Variants in DHRSX observed in about 807,000 individuals in gnomAD.
The protein encoded by DHRSX is dehydrogenase/reductase X-linked.
Under a neutral mutation model 34.0 loss-of-function variants are expected in DHRSX, and 31 were observed. That is an observed-to-expected ratio of 0.91 (90% CI 0.69 to 1.23). DHRSX has a LOEUF of 1.23. Ranked by LOEUF, DHRSX falls within the 50% of genes most tolerant of loss-of-function variation. The pLI is 0.00. For synonymous variants in DHRSX, 201 were observed against 183.8 expected, an observed-to-expected ratio of 1.09 and a Z score of -0.76; for missense variants, 414 against 428.1, an observed-to-expected ratio of 0.97 and a Z score of 0.29.
intron 1 of DHRSX, among the ~76,000 whole-genome samples, chrX:2,428,051 A>G (rs754905804): frequency 2.0e-5 from 3 of 152,316 alleles, no homozygotes; most frequent in South Asian, 2.1e-4. Context: ...CGGGAATTAA[A>G]TAATGTGTAC....
intron 3 of DHRSX, among the ~76,000 whole-genome samples, chrX:2,302,387 G>A (rs1428568384): frequency 3.9e-5 from 6 of 152,242 alleles, no homozygotes; most frequent in Admixed American, 1.3e-4. Flanking sequence ...CAAAGCGGGC[G>A]GATCGCTTGA....
At chrX:2,467,893 G>A (rs189461457) in intron 1 of DHRSX, among the ~76,000 whole-genome samples, 17 of 150,566 alleles carry the variant, frequency 1.1e-4, no homozygotes, top group South Asian at 4.2e-4. Flanking sequence ...CCCAGGAGGC[G>A]GGGAGGTTGC....
intron 3 of DHRSX, among the ~76,000 whole-genome samples, chrX:2,310,631 G>A (rs1602918933): frequency 6.6e-6 from 1 of 151,662 alleles, no homozygotes; most frequent in Non-Finnish European, 1.5e-5. Flanking sequence ...ACAAAACACA[G>A]AGAAAGTTAT....
intron 3 of DHRSX, among the ~76,000 whole-genome samples, chrX:2,347,196 A>C (rs1444469663): frequency 6.6e-6 from 1 of 152,196 alleles, no homozygotes; most frequent in South Asian, 2.1e-4. Flanking sequence ...GAAGCCTCAC[A>C]ATCATGGTGG....
At chrX:2,437,696 AGAGTGTGTGTGTGT>A (rs56998969) in intron 1 of DHRSX, among the ~76,000 whole-genome samples, 6,558 of 92,096 alleles carry the variant, frequency 0.071, 220 homozygotes, top group East Asian at 0.29. Context: ...AGAGAGAGAG[AGAGTGTGTGTGTGT>A]GTGTGTGTGT....
chrX:2,417,282 A>C (rs5982556), intron 2 of DHRSX, among the ~76,000 whole-genome samples: 124,153 of 152,184 alleles, frequency 0.82, 51,453 homozygotes, highest in African/African-American at 0.95. Flanking sequence ...GCACATGAAC[A>C]AGAAGCTTGC....
intron 5 of DHRSX, among the ~76,000 whole-genome samples, chrX:2,248,918 G>C (rs1444876121): frequency 6.6e-6 from 1 of 152,084 alleles, no homozygotes; most frequent in African/African-American, 2.4e-5. Flanking sequence ...CTGCATCTTT[G>C]GGTCTTCCCT....
intron 3 of DHRSX, among the ~76,000 whole-genome samples, chrX:2,298,627 C>T (rs2041971217): frequency 1.6e-5 from 2 of 128,740 alleles, no homozygotes; most frequent in South Asian, 5.0e-4. Flanking sequence ...CACACACACA[C>T]ACACACACAC....
intron 3 of DHRSX, among the ~76,000 whole-genome samples, chrX:2,325,251 T>C (rs1204921627): frequency 6.6e-6 from 1 of 151,906 alleles, no homozygotes; most frequent in Non-Finnish European, 1.5e-5. Flanking sequence ...AACTAACGAC[T>C]AGACACGTTC....
At chrX:2,360,398 C>T (rs997839861) in intron 3 of DHRSX, among the ~76,000 whole-genome samples, 29 of 152,278 alleles carry the variant, frequency 1.9e-4, no homozygotes, top group East Asian at 1.7e-3. Flanking sequence ...GCCTGACCAA[C>T]ATGGTGAAAC....
At chrX:2,244,761 G>T (rs1266825345) in intron 5 of DHRSX, among the ~76,000 whole-genome samples, 1 of 151,714 alleles carries the variant, frequency 6.6e-6, no homozygotes, top group Non-Finnish European at 1.5e-5. Flanking sequence ...AACCCAGCTG[G>T]AGTACAGTGG....
chrX:2,357,468 G>A (rs982719949), intron 3 of DHRSX, among the ~76,000 whole-genome samples: 11 of 151,876 alleles, frequency 7.2e-5, no homozygotes, highest in African/African-American at 2.2e-4. Flanking sequence ...TGATGAAACC[G>A]TGGAGCTTTA....
intron 2 of DHRSX, among the ~76,000 whole-genome samples, chrX:2,414,795 T>C (rs2043673624): frequency 6.6e-6 from 1 of 151,964 alleles, no homozygotes; most frequent in African/African-American, 2.4e-5. Flanking sequence ...CATGACCCAA[T>C]ACAAGTAGAT....
In DHRSX at chrX:2,420,340, A is replaced by G. The variant is rs1271147505; in HGVS notation, c.217+4857T>C. ...GGAGAATCGCTTCAACCCGGGAGGC[A>G]GAGTTTGCGGTGAGCTGAGATCGCG... On this transcript the variant is annotated intron_variant, in intron 2 of 6. Coordinates refer to ENST00000334651, the MANE Select transcript of DHRSX (RefSeq NM_145177.3). Among the ~76,000 whole-genome samples, 8 of 150,620 alleles carry G rather than the reference A, an allele frequency of 5.3e-5. No homozygotes were observed. In the East Asian group the frequency reaches 7.9e-4, roughly 15 times the overall value.
chrX:2,339,376 T>C (rs1409737404), intron 3 of DHRSX, among the ~76,000 whole-genome samples: 1 of 151,974 alleles, frequency 6.6e-6, no homozygotes, highest in Non-Finnish European at 1.5e-5. Context: ...TGACTTAAGG[T>C]AATCCGCTCG....
At chrX:2,344,950 G>A (rs866636056) in intron 3 of DHRSX, among the ~76,000 whole-genome samples, 5 of 136,854 alleles carry the variant, frequency 3.7e-5, no homozygotes, top group Admixed American at 7.6e-5. Context: ...AATTAATGAT[G>A]TAAAAATTTT....
At chrX:2,419,175 C>T (rs2043738199) in intron 2 of DHRSX, among the ~76,000 whole-genome samples, 1 of 152,112 alleles carries the variant, frequency 6.6e-6, no homozygotes, top group Non-Finnish European at 1.5e-5. Flanking sequence ...GAGGCGGAGG[C>T]TTTGCGGGAT....
intron 3 of DHRSX, among the ~76,000 whole-genome samples, chrX:2,395,352 G>C (rs1227140940): frequency 6.6e-6 from 1 of 152,036 alleles, no homozygotes; most frequent in African/African-American, 2.4e-5. Context: ...GGGGGTGGAG[G>C]GGCCGAGCTA....
At position 2,465,648 on chromosome X, in the gene DHRSX, A is replaced by C. The variant is rs1303967613; in HGVS notation, c.109+35169T>G. On this transcript the variant is annotated intron_variant, in intron 1 of 6. Coordinates refer to ENST00000334651, the MANE Select transcript of DHRSX (RefSeq NM_145177.3). The stretch of plus-strand genomic sequence containing the variant: ...GAAACCCCGTCTCTACTAAAAATAC[A>C]AAAAAAAAGAAAAATCAGGGTGTAG... Among the ~76,000 whole-genome samples, 5 of 94,698 alleles carry C rather than the reference A, an allele frequency of 5.3e-5. No individual in the cohort carries two copies. The East Asian group carries it at 9.6e-4, about 18-fold the overall frequency. 62.1% of individuals were successfully genotyped at this position (94,698 alleles called of 152,430 possible).
Sources: gnomAD v4.1 joint callset for allele counts (sites outside exome capture counted in the v4.1 genomes callset) on GRCh38, gnomAD v4.1.1 for gene constraint, MANE v1.5 for transcripts, NCBI Gene and HGNC (gene_info 2026-07-23, HGNC 2026-07-21) for gene names.